GTPBP10: variants seen among roughly 807,000 people sequenced by gnomAD.
The protein encoded by GTPBP10 is GTP binding protein 10, also known as GTP-binding protein 10.
A neutral mutation model predicts 44.8 loss-of-function variants in GTPBP10; 38 were observed. The ratio of observed to expected loss-of-function variants is 0.85; its 90% CI spans 0.65 to 1.11. The LOEUF (loss-of-function observed/expected upper bound fraction) is 1.11, where lower values mean the gene tolerates loss of function less well. GTPBP10 is among the 50% of genes most tolerant of loss of function. The pLI is 0.00. For synonymous variants in GTPBP10, 152 were observed against 150.6 expected (o/e 1.01, Z -0.07); for missense variants, 462 against 453.7 (o/e 1.02, Z -0.17).
At chr7:90,356,838 A>G (rs914410006) in intron 4 of GTPBP10, among the ~76,000 whole-genome samples, 1 of 152,192 alleles carries the variant, frequency 6.6e-6, no homozygotes, top group African/African-American at 2.4e-5. Context: ...TCATCATTAT[A>G]TTGCCAACTT....
chr7:90,353,967 C>T (rs112832937), intron 2 of GTPBP10, among the ~76,000 whole-genome samples: 2,355 of 152,036 alleles, frequency 0.015, 58 homozygotes, highest in African/African-American at 0.052. Flanking sequence ...GCTGAGACTA[C>T]GGGTATGTGC....
intron 4 of GTPBP10, among the ~76,000 whole-genome samples, chr7:90,368,520 G>A (rs369187599): frequency 2.6e-5 from 4 of 151,812 alleles, no homozygotes; most frequent in South Asian, 4.2e-4. Flanking sequence ...TTGTCTTCTC[G>A]CTTTATTTCA....
intron 1 of GTPBP10, among the ~76,000 whole-genome samples, chr7:90,349,284 C>T (rs912346881): frequency 6.6e-6 from 1 of 152,062 alleles, no homozygotes; most frequent in Non-Finnish European, 1.5e-5. Context: ...CAATCCTTTT[C>T]GTAGAAAATC....
chr7:90,369,851 A>G (rs1349116905), intron 4 of GTPBP10, among the ~76,000 whole-genome samples: 1 of 152,122 alleles, frequency 6.6e-6, no homozygotes, highest in Non-Finnish European at 1.5e-5. Context: ...CCACATTGAG[A>G]TGAACCAGGT....
intron 8 of GTPBP10, among the ~76,000 whole-genome samples, chr7:90,380,066 T>G (rs1273182582): frequency 1.3e-5 from 2 of 150,314 alleles, no homozygotes; most frequent in Admixed American, 6.7e-5. Context: ...TGGAAATAAG[T>G]CCCTTCTCTT....
chr7:90,380,190 A>G (rs1584647297), intron 8 of GTPBP10, among the ~76,000 whole-genome samples: 1 of 147,282 alleles, frequency 6.8e-6, no homozygotes, highest in Non-Finnish European at 1.5e-5. Flanking sequence ...GTGATTCTCC[A>G]GCCTCAGCCT....
In GTPBP10 at chr7:90,346,741, C is replaced by A. The variant is rs146961068; in HGVS notation, c.-1C>A. 3 of 1,614,244 alleles carry A rather than the reference C, an allele frequency of 1.9e-6. No homozygotes were observed. The highest frequency in any genetic ancestry group is 1.7e-5 in the Admixed American group (1 of 60,030). ...AGAAGGTTTCCTGGCCTGTTGCAGC[C>A]ATGGTGCATTGCAGTTGCGTGTTGT... On this transcript the variant is annotated 5_prime_UTR_variant, in exon 1 of 10. Coordinates refer to ENST00000222511, the MANE Select transcript of GTPBP10 (RefSeq NM_033107.4).
rs561045193 is a variant in GTPBP10 at position 90,362,579 on chromosome 7, C to T, written c.464+7349C>T. Among the ~76,000 whole-genome samples, 39 of 152,100 alleles carry T rather than the reference C, an allele frequency of 2.6e-4. No homozygotes were observed. In the South Asian group the frequency reaches 4.8e-3, roughly 19 times the overall value. ...TATGTGGTCAATTTTGGATTAAGTG[C>T]GGTGTGGTGCTGAGAAGAATGTATA... On this transcript the variant is annotated intron_variant, in intron 4 of 9. Coordinates refer to ENST00000222511, the MANE Select transcript of GTPBP10 (RefSeq NM_033107.4).
intron 4 of GTPBP10, among the ~76,000 whole-genome samples, chr7:90,361,172 T>G (rs1796011857): frequency 6.6e-6 from 1 of 152,222 alleles, no homozygotes; most frequent in Non-Finnish European, 1.5e-5. Flanking sequence ...AATACTATGT[T>G]GAATAGAAGT....
intron 4 of GTPBP10, among the ~76,000 whole-genome samples, chr7:90,357,611 T>G (rs1795929336): frequency 6.6e-6 from 1 of 152,162 alleles, no homozygotes; most frequent in Non-Finnish European, 1.5e-5. Flanking sequence ...GTTTTTGAAG[T>G]ACCGTCTTCA....
intron 4 of GTPBP10, among the ~76,000 whole-genome samples, chr7:90,366,249 G>A (rs1360174379): frequency 6.6e-6 from 1 of 152,086 alleles, no homozygotes; most frequent in Non-Finnish European, 1.5e-5. Flanking sequence ...TGTTGTTGTT[G>A]TATCTCTGCC....
intron 4 of GTPBP10, among the ~76,000 whole-genome samples, chr7:90,367,379 G>T (rs1487504590): frequency 1.3e-5 from 2 of 152,136 alleles, no homozygotes; most frequent in African/African-American, 4.8e-5. Context: ...TGACAGTGGG[G>T]TGTTAAAGTC....
intron 8 of GTPBP10, among the ~76,000 whole-genome samples, chr7:90,382,580 A>T (rs1796451200): frequency 6.6e-6 from 1 of 152,210 alleles, no homozygotes; most frequent in Non-Finnish European, 1.5e-5. Context: ...GTTATATCTA[A>T]GAAACAGTTG....
At chr7:90,377,961 A>G (rs957386155) in intron 7 of GTPBP10, 173 bp from the exon 8 acceptor site, 15 of 564,780 alleles carry the variant, frequency 2.7e-5, no homozygotes, top group Middle Eastern at 9.0e-4. Flanking sequence ...TTATCAGAAT[A>G]ATTAAAGTTA....
chr7:90,347,015 T>C (rs995650116), intron 1 of GTPBP10, among the ~76,000 whole-genome samples: 2 of 152,208 alleles, frequency 1.3e-5, no homozygotes, highest in African/African-American at 4.8e-5. Context: ...TTTAGAGACA[T>C]AGTGTGCACG....
At chr7:90,348,508 T>G (rs542206977) in intron 1 of GTPBP10, among the ~76,000 whole-genome samples, 55 of 152,280 alleles carry the variant, frequency 3.6e-4, no homozygotes, top group Middle Eastern at 3.4e-3. Context: ...AGGGAAAATA[T>G]ATTTACTGTT....
intron 4 of GTPBP10, among the ~76,000 whole-genome samples, chr7:90,355,552 A>G (rs1228094139): frequency 6.6e-6 from 1 of 152,242 alleles, no homozygotes; most frequent in East Asian, 1.9e-4. Context: ...TTAATAATAA[A>G]TCCAAACAAA....
At chr7:90,369,679 G>A (rs1796217697) in intron 4 of GTPBP10, among the ~76,000 whole-genome samples, 1 of 152,266 alleles carries the variant, frequency 6.6e-6, no homozygotes, top group African/African-American at 2.4e-5. Context: ...GGGGAAAAGC[G>A]CAGTATTTAG....
chr7:90,390,024 C>G lies in GTPBP10; in HGVS notation c.*4870C>G, dbSNP rs1796590327. On this transcript the variant is annotated 3_prime_UTR_variant, in exon 10 of 10. Transcript: ENST00000222511. Reference sequence around the variant, plus strand: ...CAGAGTGGTCTTGAACTCCCATCCTCATGGAATCCTCCCACTTCAGTCTCT... The same window carrying G: ...CAGAGTGGTCTTGAACTCCCATCCTGATGGAATCCTCCCACTTCAGTCTCT... 6.6e-6 allele frequency: 1 copy of G among 152,198 alleles called. No individual in the cohort carries two copies. The highest frequency in any genetic ancestry group is 6.5e-5 in the Admixed American group (1 of 15,274). The allele number at this position is 152,198 out of a possible 1,614,324, so 9.4% of individuals were successfully genotyped here. A position where few individuals can be genotyped will look rare whatever the true frequency, so the allele number is the denominator to read the frequency against.
Sources: gnomAD v4.1 joint callset for allele counts (sites outside exome capture counted in the v4.1 genomes callset) on GRCh38, gnomAD v4.1.1 for gene constraint, MANE v1.5 for transcripts, NCBI Gene and HGNC (gene_info 2026-07-23, HGNC 2026-07-21) for gene names.